Variants in UQCC1 observed in about 807,000 individuals in gnomAD.
UQCC1 encodes the protein bFGF-repressed Zic-binding protein.
Under a neutral mutation model 48.0 loss-of-function variants are expected in UQCC1, and 38 were observed. The ratio of observed to expected loss-of-function variants is 0.79; its 90% CI spans 0.61 to 1.04. The LOEUF (loss-of-function observed/expected upper bound fraction) is 1.04. Ranked by LOEUF, UQCC1 falls within the 50% of genes least tolerant of loss-of-function variation. UQCC1 has a pLI of 0.00. For missense variants in UQCC1, 368 were observed against 381.8 expected (o/e 0.96, Z 0.30); for synonymous variants, 111 against 129.2 (o/e 0.86, Z 0.95).
chr20:35,379,530 G>A (rs900273375), intron 4 of UQCC1, among the ~76,000 whole-genome samples: 6 of 152,178 alleles, frequency 3.9e-5, no homozygotes, highest in African/African-American at 7.2e-5. Context: ...TAGGCTGGGC[G>A]CAGTGGCTCA....
chr20:35,376,481 G>C (rs956054542), intron 4 of UQCC1, among the ~76,000 whole-genome samples: 2 of 151,696 alleles, frequency 1.3e-5, no homozygotes, highest in Non-Finnish European at 2.9e-5. Context: ...TTACTCCAAT[G>C]AATGTGATTA....
At position 35,404,080 on chromosome 20, in the gene UQCC1, AC is replaced by A. The variant is rs199857089; in HGVS notation, c.24+7859del. Among the ~76,000 whole-genome samples the A allele has an allele frequency of 4.4e-3, 675 of 152,110 alleles. 9 individuals carry two copies. In the East Asian group the frequency reaches 0.048, roughly 11 times the overall value. ...GTGAAACCCCATCTCTACTAAAAAT[AC>A]AAAAAATTAGCCAGGCGTGGCCGGG... On this transcript the variant is annotated intron_variant, in intron 1 of 9. Transcript: ENST00000374385.
At chr20:35,353,454 TAA>T (rs1419236433) in intron 6 of UQCC1, among the ~76,000 whole-genome samples, 12 of 151,448 alleles carry the variant, frequency 7.9e-5, no homozygotes, top group Admixed American at 2.0e-4. Context: ...TACAGTAAGT[TAA>T]GTTTAATTTA....
Position 35,315,854 on chromosome 20 carries a change from C to T in UQCC1, c.574-1089G>A, listed in dbSNP as rs1167591956. The stretch of plus-strand genomic sequence containing the variant: ...TGAGCCAGGATCGCGCCACTGCACT[C>T]CAGCCTGGGCAACAGAACAAGAGCC... On this transcript the variant is annotated intron_variant, in intron 7 of 9. Coordinates refer to ENST00000374385, the MANE Select transcript of UQCC1 (RefSeq NM_018244.5). 3.3e-5 allele frequency among the ~76,000 whole-genome samples: 5 copies of T among 152,202 alleles called. 1 individual carries two copies. The highest frequency in any genetic ancestry group is 4.1e-4 in the South Asian group (2 of 4,828).
intron 1 of UQCC1, among the ~76,000 whole-genome samples, chr20:35,406,831 CA>C (rs2062257424): frequency 6.6e-6 from 1 of 152,064 alleles, no homozygotes. Flanking sequence ...ATGACAATAA[CA>C]CAATGTTCGG....
At position 35,318,473 on chromosome 20, in the gene UQCC1, A is replaced by C. The variant is rs2061087362; in HGVS notation, c.574-3708T>G. ...AACACATTTTCTCCTCTTGGGATACACCTGCATTCTGGTTGGCTACTGCCC... is the reference window on the plus strand; with the variant it reads ...AACACATTTTCTCCTCTTGGGATACCCCTGCATTCTGGTTGGCTACTGCCC... On this transcript the variant is annotated intron_variant, in intron 7 of 9. Transcript: ENST00000374385. Among the ~76,000 whole-genome samples the C allele has an allele frequency of 1.3e-5, 2 of 152,190 alleles. 1 individual carries two copies. The highest frequency in any genetic ancestry group is 3.9e-4 in the East Asian group (2 of 5,192).
At chr20:35,410,114 C>T (rs118107529) in intron 1 of UQCC1, 2 of 152,144 alleles carry the variant, frequency 1.3e-5, no homozygotes, top group African/African-American at 4.8e-5. Context: ...CCAGGAATAC[C>T]TCTCTGTGGT....
chr20:35,411,341 C>T (rs1190227599), intron 1 of UQCC1, among the ~76,000 whole-genome samples: 1 of 152,170 alleles, frequency 6.6e-6, no homozygotes, highest in Non-Finnish European at 1.5e-5. Flanking sequence ...TCATTTAACA[C>T]CTATGATGTG....
intron 6 of UQCC1, among the ~76,000 whole-genome samples, chr20:35,365,541 C>CAGG (rs2061656422): frequency 2.0e-5 from 3 of 151,504 alleles, no homozygotes; most frequent in Non-Finnish European, 4.4e-5. Flanking sequence ...CCTGTAATCC[C>CAGG]AGCTACTCGG....
intron 7 of UQCC1, chr20:35,346,574 C>G (rs1417657310): frequency 6.1e-6 from 1 of 163,778 alleles, no homozygotes; most frequent in Non-Finnish European, 1.3e-5. Flanking sequence ...CAGCTATATT[C>G]TAGTGTTTTG....
intron 8 of UQCC1, among the ~76,000 whole-genome samples, chr20:35,312,515 G>T (rs897989629): frequency 4.6e-5 from 7 of 152,278 alleles, no homozygotes; most frequent in Non-Finnish European, 8.8e-5. Flanking sequence ...CCCAGCCAAG[G>T]TGACAGATAA....
intron 4 of UQCC1, among the ~76,000 whole-genome samples, chr20:35,376,613 A>G (rs571610211): frequency 1.3e-3 from 191 of 152,288 alleles, no homozygotes; most frequent in African/African-American, 4.1e-3. Flanking sequence ...CCTCCCCACA[A>G]TGCAAACTGC....
chr20:35,371,717 A>C (rs1354707321), intron 5 of UQCC1, among the ~76,000 whole-genome samples: 7 of 151,224 alleles, frequency 4.6e-5, no homozygotes, highest in African/African-American at 1.2e-4. Flanking sequence ...AAAAAAAAAA[A>C]AAAACAGGCT....
At chr20:35,402,889 A>G (rs1244193496) in intron 1 of UQCC1, among the ~76,000 whole-genome samples, 2 of 151,694 alleles carry the variant, frequency 1.3e-5, no homozygotes, top group Non-Finnish European at 2.9e-5. Flanking sequence ...AACACAGTGA[A>G]ACCCCATCTC....
At chr20:35,399,304 C>G (rs2062125826) in intron 1 of UQCC1, among the ~76,000 whole-genome samples, 1 of 152,180 alleles carries the variant, frequency 6.6e-6, no homozygotes, top group South Asian at 2.1e-4. Flanking sequence ...GCATTTATTC[C>G]CTTTCTCAAA....
At position 35,411,942 on chromosome 20, in the gene UQCC1, G is replaced by C; in HGVS notation, c.22C>G (p.Leu8Val). 1 of 1,614,180 alleles carries C rather than the reference G, an allele frequency of 6.2e-7. No homozygotes were observed. The highest frequency in any genetic ancestry group is 8.5e-7 in the Non-Finnish European group (1 of 1,180,026). MALLVRVLRNQTSISQWV... is the reference protein window; with the variant it reads MALLVRVVRNQTSISQWV... Reference sequence around the variant, plus strand: ...TAGAAAATTACTCCTTCACTCACAAGGACTCGCACCAGCAACGCCATGTTC... The same window carrying C: ...TAGAAAATTACTCCTTCACTCACAACGACTCGCACCAGCAACGCCATGTTC... The change falls in exon 1 of 10, where the codon CTT becomes GTT. Residue 8 changes from leucine (L) to valine (V), a missense_variant and splice_region_variant. By Grantham distance (32) the Leu-to-Val change is conservative. Coordinates refer to ENST00000374385, the MANE Select transcript of UQCC1 (RefSeq NM_018244.5).
chr20:35,332,882 C>A (rs937718448), intron 7 of UQCC1, among the ~76,000 whole-genome samples: 3 of 152,182 alleles, frequency 2.0e-5, no homozygotes, highest in African/African-American at 4.8e-5. Flanking sequence ...CTTCTGTAAT[C>A]GTTTCATATC....
At chr20:35,319,691 G>A (rs1330744265) in intron 7 of UQCC1, among the ~76,000 whole-genome samples, 5 of 152,092 alleles carry the variant, frequency 3.3e-5, no homozygotes, top group Non-Finnish European at 5.9e-5. Context: ...GTTACTAATC[G>A]GCAGATTAAT....
chr20:35,386,375 T>C, intron 2 of UQCC1: 1 of 452,656 alleles, frequency 2.2e-6, no homozygotes, highest in South Asian at 1.6e-5. Context: ...TGAAAATGAT[T>C]TTTTTTCTTT....
Sources: gnomAD v4.1 joint callset for allele counts (sites outside exome capture counted in the v4.1 genomes callset) on GRCh38, gnomAD v4.1.1 for gene constraint, MANE v1.5 for transcripts, NCBI Gene and HGNC (gene_info 2026-07-23, HGNC 2026-07-21) for gene names.